PABPN1L: variants seen among roughly 807,000 people sequenced by gnomAD.
PABPN1L encodes PABPN1 like, cytoplasmic, also known as embryonic polyadenylate-binding protein 2.
In PABPN1L, 45 loss-of-function variants were observed where a neutral mutation model predicts 34.0. The observed-to-expected ratio is 1.32, with a 90% CI of 1.04 to 1.70. PABPN1L has a LOEUF of 1.70. PABPN1L is among the 40% of genes most tolerant of loss of function. PABPN1L has a pLI of 0.00. For synonymous variants in PABPN1L, 182 were observed against 152.1 expected, an observed-to-expected ratio of 1.20 and a Z score of -1.45; for missense variants, 459 against 367.8, an observed-to-expected ratio of 1.25 and a Z score of -2.03.
intron 4 of PABPN1L, 23 bp from the exon 5 acceptor site, chr16:88,864,963 G>T: frequency 6.3e-7 from 1 of 1,598,966 alleles, no homozygotes; most frequent in Non-Finnish European, 8.5e-7. Flanking sequence ...GCAGGGAGGG[G>T]AGGGGTGAGG....
rs773256091 is a variant in PABPN1L at position 88,864,845 on chromosome 16, C to T, written c.654+8G>A. On this transcript the variant is annotated splice_region_variant and intron_variant, in intron 5 of 6. Transcript: ENST00000419291. ...TCATGTTCCTGGACCTGGGGAGCAC[C>T]GGCGCACCTTGATGACCCGGCCCCG... 42 of 1,602,212 alleles carry T rather than the reference C, an allele frequency of 2.6e-5. No individual in the cohort carries two copies. The East Asian group carries it at 2.7e-4, about 10-fold the overall frequency.
At chr16:88,865,680 C>G in intron 2 of PABPN1L, 50 bp from the exon 3 acceptor site, 3 of 1,566,044 alleles carry the variant, frequency 1.9e-6, no homozygotes, top group Non-Finnish European at 1.7e-6. Context: ...CTTCCTCACT[C>G]CTCTCACGGG....
intron 2 of PABPN1L, 77 bp downstream of exon 2, chr16:88,865,729 A>G (rs1372725340): frequency 6.4e-7 from 1 of 1,553,680 alleles, no homozygotes; most frequent in Non-Finnish European, 8.7e-7. Flanking sequence ...GACACCTTGG[A>G]GCCTGCCAGG....
At chr16:88,866,352 C>G in exon 1 of PABPN1L, 1 of 1,549,300 alleles carries the variant, frequency 6.5e-7, no homozygotes, top group Non-Finnish European at 8.7e-7. Flanking sequence ...CAGCTGTTAC[C>G]TGGTCAGGCA....
At chr16:88,864,497 G>T in intron 5 of PABPN1L, 118 bp from the exon 6 acceptor site, 1 of 1,386,464 alleles carries the variant, frequency 7.2e-7, no homozygotes, top group Non-Finnish European at 9.6e-7. Flanking sequence ...ATACCATTCG[G>T]GCCTACAGGG....
At chr16:88,865,442 C>G in intron 3 of PABPN1L, 121 bp downstream of exon 3, 3 of 1,256,760 alleles carry the variant, frequency 2.4e-6, no homozygotes, top group Non-Finnish European at 3.3e-6. Context: ...GGTGACGGGG[C>G]TGCCCCCAGG....
chr16:88,864,279 C>A, exon 6 of PABPN1L: 2 of 1,556,772 alleles, frequency 1.3e-6, no homozygotes, highest in Non-Finnish European at 1.7e-6. Context: ...GCCCTGGAGG[C>A]CGCTGTGGGG....
At chr16:88,866,218 C>G in intron 1 of PABPN1L, 134 bp downstream of exon 1, 2 of 1,382,552 alleles carry the variant, frequency 1.4e-6, no homozygotes, top group South Asian at 1.5e-5. Flanking sequence ...TTGCCACCTT[C>G]GTCCAGGCAG....
intron 6 of PABPN1L, 90 bp downstream of exon 6, chr16:88,864,147 A>G: frequency 8.4e-6 from 12 of 1,434,552 alleles, no homozygotes; most frequent in South Asian, 1.4e-5. Flanking sequence ...CTGCAGCCCC[A>G]TGAGGAACGA....
chr16:88,866,813 A>G (rs116326638), upstream of PABPN1L, among the ~76,000 whole-genome samples: 1,058 of 152,304 alleles, frequency 6.9e-3, 16 homozygotes, highest in African/African-American at 0.024. Flanking sequence ...AGGTACCTCC[A>G]GGACACTCTC....
At chr16:88,863,710 C>T in exon 7 of PABPN1L, 4 of 1,532,692 alleles carry the variant, frequency 2.6e-6, no homozygotes, top group Non-Finnish European at 3.5e-6. Flanking sequence ...AAGTGGTTTA[C>T]TCCTGATCCA....
chr16:88,866,316 C>G, intron 1 of PABPN1L, 36 bp downstream of exon 1: 1 of 1,533,994 alleles, frequency 6.5e-7, no homozygotes, highest in African/African-American at 1.4e-5. Flanking sequence ...TGCCCCAGGT[C>G]CCCTGAGATC....
At chr16:88,866,219 G>A (rs1274320370) in intron 1 of PABPN1L, 133 bp downstream of exon 1, 6 of 1,382,258 alleles carry the variant, frequency 4.3e-6, no homozygotes, top group East Asian at 2.5e-5. Context: ...TGCCACCTTC[G>A]TCCAGGCAGG....
At chr16:88,866,427 G>C (rs1597641748) in exon 1 of PABPN1L, 1 of 1,551,298 alleles carries the variant, frequency 6.4e-7, no homozygotes, top group Admixed American at 2.0e-5. Context: ...CCCCATCCTG[G>C]TCTTCCTCTG....
rs184287444 is a variant in PABPN1L, at chr16:88,866,173, C to T, written c.255+179G>A. Among the ~76,000 whole-genome samples, 358 of 152,352 alleles carry T rather than the reference C, an allele frequency of 2.3e-3. 2 individuals are homozygous for T. The highest frequency in any genetic ancestry group is 7.7e-3 in the African/African-American group (322 of 41,578). On this transcript the variant is annotated intron_variant, in intron 1 of 6. Coordinates refer to ENST00000419291, the Ensembl canonical transcript of PABPN1L. ...CCCAGGCGAGAGAGGCCACCTTGAC[C>T]CTGCAGTCTGTGTGGCTGGGGGCGG...
At chr16:88,866,638 G>C, upstream of PABPN1L, 4 of 1,508,032 alleles carry the variant, frequency 2.7e-6, no homozygotes, top group Non-Finnish European at 3.6e-6. Context: ...TGGGCCAGGC[G>C]AGGCCTCCCC....
chr16:88,865,591 G>C (rs2143020239), exon 3 of PABPN1L: 1 of 1,611,826 alleles, frequency 6.2e-7, no homozygotes, highest in East Asian at 2.2e-5. Flanking sequence ...TCTGTGGTCA[G>C]CCTCCACCTT....
exon 2 of PABPN1L, chr16:88,865,848 C>T: frequency 6.2e-7 from 1 of 1,610,046 alleles, no homozygotes; most frequent in Non-Finnish European, 8.5e-7. Context: ...GCGGTGCCCT[C>T]CTCTTCCTCG....
At chr16:88,865,534 C>G (rs1304102604) in intron 3 of PABPN1L, 29 bp downstream of exon 3, 1 of 1,602,690 alleles carries the variant, frequency 6.2e-7, no homozygotes, top group Non-Finnish European at 8.5e-7. Flanking sequence ...CCATTCGCTG[C>G]CTGCCCCTTC....
Sources: allele counts gnomAD v4.1 joint callset (sites outside exome capture counted in the v4.1 genomes callset), GRCh38; gene constraint gnomAD v4.1.1; transcripts MANE v1.5; gene names NCBI Gene and HGNC (gene_info 2026-07-23, HGNC 2026-07-21).